Variants in TBC1D19 observed in about 807,000 individuals in gnomAD.
TBC1D19 encodes the protein TBC1 domain family, member 19.
TBC1D19 carries 60 observed loss-of-function variants against 89.0 expected under a neutral mutation model. The observed-to-expected ratio is 0.67, with a 90% CI of 0.55 to 0.84. The LOEUF (loss-of-function observed/expected upper bound fraction) is 0.84. Among genes scored for constraint, TBC1D19 ranks in the 40% least tolerant of loss-of-function variants. The pLI is 0.00. For synonymous variants in TBC1D19, 189 were observed against 199.7 expected, an observed-to-expected ratio of 0.95 and a Z score of 0.45; for missense variants, 500 against 610.8, an observed-to-expected ratio of 0.82 and a Z score of 1.91.
the TBC1D19 span, among the ~76,000 whole-genome samples, chr4:26,815,530 C>T: frequency 5.3e-5 from 8 of 152,226 alleles, no homozygotes; most frequent in African/African-American, 1.9e-4. Flanking sequence ...ATAACTGATA[C>T]TCTTGACCTC....
chr4:26,649,859 C>T (rs1188377730), intron 7 of TBC1D19, among the ~76,000 whole-genome samples: 1 of 152,068 alleles, frequency 6.6e-6, no homozygotes, highest in Non-Finnish European at 1.5e-5. Context: ...CTATCCCTCC[C>T]CTCTCCCCCA....
chr4:26,672,075 A>G, intron 9 of TBC1D19, 74 bp from the exon 10 acceptor site: 3 of 705,066 alleles, frequency 4.3e-6, no homozygotes, highest in Non-Finnish European at 6.2e-6. Flanking sequence ...TACCAGAAAA[A>G]TGTATCTAAT....
At chr4:26,643,675 G>T (rs1743707507) in intron 7 of TBC1D19, among the ~76,000 whole-genome samples, 1 of 152,076 alleles carries the variant, frequency 6.6e-6, no homozygotes, top group African/African-American at 2.4e-5. Flanking sequence ...TTGGTAGAAT[G>T]CTAGCAAAAC....
At chr4:26,839,850 G>A in the TBC1D19 span, among the ~76,000 whole-genome samples, 3 of 152,186 alleles carry the variant, frequency 2.0e-5, no homozygotes, top group East Asian at 5.8e-4. Flanking sequence ...GCTGGCTGCA[G>A]TCTACACAGG....
rs561334110 is a variant in TBC1D19, at chr4:26,731,077, C to T, written c.1085-4378C>T. On this transcript the variant is annotated intron_variant, in intron 15 of 20. Coordinates refer to ENST00000264866, the MANE Select transcript of TBC1D19 (RefSeq NM_018317.4). ...AAGCAGGTTAAGTAACATACGTAAG[C>T]GTACACAGGTAGAAAGTGCTGGAGT... Among the ~76,000 whole-genome samples the T allele has an allele frequency of 6.6e-5, 10 of 152,258 alleles. No individual in the cohort carries two copies. The South Asian group carries it at 2.1e-3, about 32-fold the overall frequency.
chr4:26,730,810 C>T (rs1443592976), intron 15 of TBC1D19, among the ~76,000 whole-genome samples: 1 of 152,208 alleles, frequency 6.6e-6, no homozygotes, highest in Non-Finnish European at 1.5e-5. Context: ...CCTCTCTGTC[C>T]TGAGGTATAC....
At chr4:26,820,141 GTTATC>G in the TBC1D19 span, among the ~76,000 whole-genome samples, 1 of 152,118 alleles carries the variant, frequency 6.6e-6, no homozygotes, top group South Asian at 2.1e-4. Context: ...TGACATATCC[GTTATC>G]TTAGTAACTT....
the TBC1D19 span, among the ~76,000 whole-genome samples, chr4:26,808,314 A>C: frequency 6.6e-6 from 1 of 152,254 alleles, no homozygotes; most frequent in African/African-American, 2.4e-5. Flanking sequence ...TAATGATTCT[A>C]GTTCTGTGAG....
At chr4:26,695,152 A>AACC (rs1472529549) in intron 13 of TBC1D19, among the ~76,000 whole-genome samples, 3 of 152,204 alleles carry the variant, frequency 2.0e-5, no homozygotes, top group Non-Finnish European at 2.9e-5. Flanking sequence ...CACTGTAGAG[A>AACC]AGTACGTAAG....
chr4:26,781,048 C>G, the TBC1D19 span, among the ~76,000 whole-genome samples: 58 of 152,272 alleles, frequency 3.8e-4, no homozygotes, highest in African/African-American at 1.3e-3. Context: ...GGTTCTTGCT[C>G]TCACTTACTA....
intron 15 of TBC1D19, among the ~76,000 whole-genome samples, chr4:26,723,191 G>A (rs1276662992): frequency 6.6e-6 from 1 of 152,022 alleles, no homozygotes; most frequent in Non-Finnish European, 1.5e-5. Flanking sequence ...AATCAAGGAG[G>A]ACACTTTTCT....
intron 8 of TBC1D19, among the ~76,000 whole-genome samples, chr4:26,665,127 G>A (rs1413109988): frequency 1.3e-5 from 2 of 152,060 alleles, no homozygotes; most frequent in Non-Finnish European, 2.9e-5. Context: ...CAGAACATGG[G>A]CTAGCAGGCC....
the TBC1D19 span, among the ~76,000 whole-genome samples, chr4:26,807,899 A>T: frequency 1.3e-5 from 2 of 152,232 alleles, no homozygotes. Context: ...AATGACTATT[A>T]TGGGTAAGGA....
At position 26,590,796 on chromosome 4, in the gene TBC1D19, G is replaced by GTTTTTTTTTTTTTTTTTTTTTTT. The variant is rs869124166; in HGVS notation, c.99+6513_99+6535dup. Reference sequence around the variant, plus strand: ...GGTTCACTCTTTGTCTTGCAGGTCTGTTTTTTTTTTTTTTTTTTTTTTTTT... The same window carrying GTTTTTTTTTTTTTTTTTTTTTTT: ...GGTTCACTCTTTGTCTTGCAGGTCTGTTTTTTTTTTTTTTTTTTTTTTTTTTTTTTTTTTTTTTTTTTTTTTTT... On this transcript the variant is annotated intron_variant, in intron 1 of 20. Transcript: ENST00000264866. 7.2e-4 allele frequency among the ~76,000 whole-genome samples: 38 copies of GTTTTTTTTTTTTTTTTTTTTTTT among 52,960 alleles called. 7 individuals are homozygous for GTTTTTTTTTTTTTTTTTTTTTTT. The highest frequency in any genetic ancestry group is 1.5e-3 in the East Asian group (2 of 1,346). 34.7% of individuals were successfully genotyped at this position (52,960 alleles called of 152,430 possible). A position where few individuals can be genotyped will look rare whatever the true frequency, so the allele number is the denominator to read the frequency against.
chr4:26,606,746 A>G lies in TBC1D19; in HGVS notation c.100-6423A>G, dbSNP rs569630592. On this transcript the variant is annotated intron_variant, in intron 1 of 20. Transcript: ENST00000264866. The stretch of plus-strand genomic sequence containing the variant: ...ACCCTACAGTTCCATGGGGCATAGA[A>G]TGATGAAGTTCAGGATTAGCATGAT... Among the ~76,000 whole-genome samples the G allele has an allele frequency of 2.1e-4, 32 of 152,336 alleles. 1 individual carries two copies. The highest frequency in any genetic ancestry group is 4.4e-4 in the Non-Finnish European group (30 of 68,026).
chr4:26,688,938 C>G (rs1035783898), intron 13 of TBC1D19, among the ~76,000 whole-genome samples: 1 of 151,662 alleles, frequency 6.6e-6, no homozygotes, highest in Non-Finnish European at 1.5e-5. Context: ...ACATGATGTT[C>G]TTTTTTAAAA....
the TBC1D19 span, among the ~76,000 whole-genome samples, chr4:26,789,232 C>A: frequency 2.6e-5 from 4 of 152,272 alleles, no homozygotes; most frequent in South Asian, 6.2e-4. Context: ...TGGTAAGTGC[C>A]AATTAAAACC....
At chr4:26,642,062 T>G (rs894304144) in intron 7 of TBC1D19, among the ~76,000 whole-genome samples, 1 of 151,998 alleles carries the variant, frequency 6.6e-6, no homozygotes, top group Non-Finnish European at 1.5e-5. Context: ...ACATTCAAAT[T>G]CAGGAAATAC....
chr4:26,600,409 T>C (rs1394046239), intron 1 of TBC1D19, among the ~76,000 whole-genome samples: 3 of 152,308 alleles, frequency 2.0e-5, no homozygotes, highest in South Asian at 2.1e-4. Flanking sequence ...AAAATACATA[T>C]GTAAGGGATA....
Sources: gnomAD v4.1 joint callset for allele counts (sites outside exome capture counted in the v4.1 genomes callset) on GRCh38, gnomAD v4.1.1 for gene constraint, MANE v1.5 for transcripts, NCBI Gene and HGNC (gene_info 2026-07-23, HGNC 2026-07-21) for gene names.